The following UVRAG variants were observed in gnomAD, a reference collection of about 807,000 sequenced individuals.
UVRAG encodes UV radiation resistance-associated gene protein.
A neutral mutation model predicts 78.0 loss-of-function variants in UVRAG; 19 were observed. The ratio of observed to expected loss-of-function variants is 0.24; its 90% confidence interval spans 0.17 to 0.36. The LOEUF (loss-of-function observed/expected upper bound fraction) is 0.36. UVRAG is among the 10% of genes least tolerant of loss of function. The pLI, the probability that UVRAG is intolerant of heterozygous loss-of-function variation, is 1.00. For synonymous variants in UVRAG, 323 were observed against 324.6 expected (o/e 1.00, Z 0.05); for missense variants, 740 against 853.8 (o/e 0.87, Z 1.66).
chr11:76,141,050 G>T lies in UVRAG; in HGVS notation c.1737G>T (p.Val579=), dbSNP rs1952713142. 2 of 1,614,134 alleles carry T rather than the reference G, an allele frequency of 1.2e-6. No individual in the cohort carries two copies. The highest frequency in any genetic ancestry group is 4.5e-5 in the East Asian group (2 of 44,882). The change falls in exon 15 of 15, where the codon GTG becomes GTT. Residue 579 remains valine, a synonymous_variant. Transcript: ENST00000356136. ...GCTTAAACGGAGGCCACGCGAATGT[G>T]CACCCTAGCCAAGAACAAGGAGAAG... ...VGSLNGGHAN[V]HPSQEQGEAL...
At chr11:75,954,217 C>T (rs534124480) in intron 6 of UVRAG, among the ~76,000 whole-genome samples, 4 of 152,066 alleles carry the variant, frequency 2.6e-5, no homozygotes, top group Admixed American at 2.0e-4. Flanking sequence ...AAATGTGACT[C>T]TGTCTGTGTG....
chr11:76,033,467 C>A (rs1026703660), intron 12 of UVRAG, among the ~76,000 whole-genome samples: 1 of 151,640 alleles, frequency 6.6e-6, no homozygotes, highest in African/African-American at 2.4e-5. Context: ...TTGAAAAATC[C>A]TTGGCTTTGA....
chr11:75,959,372 T>G (rs1255571587), intron 6 of UVRAG, among the ~76,000 whole-genome samples: 1 of 152,230 alleles, frequency 6.6e-6, no homozygotes, highest in Non-Finnish European at 1.5e-5. Flanking sequence ...TTGCAGCTTC[T>G]CCATTAGCAC....
intron 2 of UVRAG, 40 bp downstream of exon 2, chr11:75,852,040 A>T: frequency 1.4e-6 from 2 of 1,414,374 alleles, no homozygotes; most frequent in East Asian, 4.7e-5. Flanking sequence ...AGATTGTTAT[A>T]TTTTTATTTT....
At chr11:75,970,799 T>A (rs1212564986) in intron 7 of UVRAG, among the ~76,000 whole-genome samples, 2 of 151,874 alleles carry the variant, frequency 1.3e-5, no homozygotes, top group African/African-American at 4.8e-5. Context: ...CCATCCCCAA[T>A]TTCTTCTGTT....
chr11:76,107,736 C>T (rs560415424), intron 13 of UVRAG, among the ~76,000 whole-genome samples: 22 of 151,374 alleles, frequency 1.5e-4, no homozygotes, highest in African/African-American at 5.3e-4. Flanking sequence ...TTTTCCACGT[C>T]TTGAAAGAAT....
chr11:76,100,105 G>A (rs1300244393), intron 13 of UVRAG, among the ~76,000 whole-genome samples: 4 of 152,030 alleles, frequency 2.6e-5, no homozygotes, highest in Non-Finnish European at 4.4e-5. Context: ...TGTCCAGTCT[G>A]CTTTCCATAA....
intron 6 of UVRAG, among the ~76,000 whole-genome samples, chr11:75,926,567 A>G (rs1948109692): frequency 6.6e-6 from 1 of 152,170 alleles, no homozygotes; most frequent in African/African-American, 2.4e-5. Flanking sequence ...CAGCAGCATT[A>G]AAAAAGGAGC....
Position 75,947,205 on chromosome 11 carries a change from C to T in UVRAG, c.594-14239C>T, listed in dbSNP as rs374214933. 6.2e-4 allele frequency among the ~76,000 whole-genome samples: 94 copies of T among 152,238 alleles called. 3 individuals carry two copies. The South Asian group carries it at 0.018, about 29-fold the overall frequency. ...GGGCGGGGGATGAAGGGATACAGTT[C>T]AGCCTATAGCACCCAGCTAATCTCC... On this transcript the variant is annotated intron_variant, in intron 6 of 14. Coordinates refer to ENST00000356136, the MANE Select transcript of UVRAG (RefSeq NM_003369.4).
At chr11:76,098,872 A>C (rs1326106660) in intron 13 of UVRAG, among the ~76,000 whole-genome samples, 1 of 152,180 alleles carries the variant, frequency 6.6e-6, no homozygotes, top group African/African-American at 2.4e-5. Flanking sequence ...CACCTTATGC[A>C]AACAAAATTG....
At chr11:75,918,904 T>C (rs1433636123) in intron 6 of UVRAG, among the ~76,000 whole-genome samples, 1 of 152,190 alleles carries the variant, frequency 6.6e-6, no homozygotes, top group Admixed American at 6.5e-5. Context: ...AGCCTTCAGC[T>C]GTTGCTTTCT....
chr11:76,083,409 T>C (rs866930258), intron 13 of UVRAG, among the ~76,000 whole-genome samples: 145 of 152,310 alleles, frequency 9.5e-4, no homozygotes, highest in African/African-American at 3.3e-3. Context: ...AACAAAAGAA[T>C]AGACTGAGTT....
chr11:75,972,607 T>C lies in UVRAG; in HGVS notation c.700-10780T>C, dbSNP rs571206234. 1.0e-3 allele frequency among the ~76,000 whole-genome samples: 156 copies of C among 152,380 alleles called. 2 individuals are homozygous for C. The highest frequency in any genetic ancestry group is 3.7e-3 in the African/African-American group (154 of 41,594). Reference sequence around the variant, plus strand: ...TTTCTAGGCTCTCTGTTCCATTTGATTGATCTGTTTGTCTGTTCTTTTACC... The same window carrying C: ...TTTCTAGGCTCTCTGTTCCATTTGACTGATCTGTTTGTCTGTTCTTTTACC... On this transcript the variant is annotated intron_variant, in intron 7 of 14. Transcript: ENST00000356136.
chr11:75,896,285 A>G (rs973301642), intron 5 of UVRAG, among the ~76,000 whole-genome samples: 47 of 152,120 alleles, frequency 3.1e-4, no homozygotes, highest in African/African-American at 1.1e-3. Flanking sequence ...TATGATGGTG[A>G]TTAGGGGAGG....
chr11:76,056,591 C>G (rs1950989314), intron 12 of UVRAG, among the ~76,000 whole-genome samples: 2 of 152,114 alleles, frequency 1.3e-5, no homozygotes, highest in South Asian at 4.1e-4. Context: ...CTCTGCAGAT[C>G]CCTGTAAAGT....
intron 14 of UVRAG, among the ~76,000 whole-genome samples, chr11:76,123,285 T>G (rs757609814): frequency 2.0e-5 from 3 of 152,242 alleles, no homozygotes; most frequent in Admixed American, 2.0e-4. Context: ...CCTGGTTGTT[T>G]ATTCTACCTC....
rs1952724439 is a variant in UVRAG, at chr11:76,141,572, ATT to A, written c.*160_*161del. 1 of 797,462 alleles carries A rather than the reference ATT, an allele frequency of 1.3e-6. No individual in the cohort carries two copies. The highest frequency in any genetic ancestry group is 1.9e-6 in the Non-Finnish European group (1 of 523,586). 49.4% of individuals were successfully genotyped at this position (797,462 alleles called of 1,614,324 possible). A position where few individuals can be genotyped will look rare whatever the true frequency, so the allele number is the denominator to read the frequency against. ...GGGAATGAAGGAGGGACTCAGGATCATTGTTATCAGTGGGCCAAAGTTAGATT... is the reference window on the plus strand; with the variant it reads ...GGGAATGAAGGAGGGACTCAGGATCAGTTATCAGTGGGCCAAAGTTAGATT... On this transcript the variant is annotated 3_prime_UTR_variant, in exon 15 of 15. Transcript: ENST00000356136.
chr11:76,115,613 G>C (rs1372454315), intron 13 of UVRAG, among the ~76,000 whole-genome samples: 1 of 152,148 alleles, frequency 6.6e-6, no homozygotes, highest in East Asian at 1.9e-4. Flanking sequence ...AGATACAGGG[G>C]TCTTTGAAAT....
chr11:75,877,486 C>T (rs1471086608), intron 3 of UVRAG, among the ~76,000 whole-genome samples: 9 of 148,796 alleles, frequency 6.0e-5, no homozygotes, highest in African/African-American at 1.2e-4. Context: ...CCCTCCCGGA[C>T]GGGGCGGCTG....
Sources: allele counts gnomAD v4.1 joint callset (sites outside exome capture counted in the v4.1 genomes callset), GRCh38; gene constraint gnomAD v4.1.1; transcripts MANE v1.5; gene names NCBI Gene and HGNC (gene_info 2026-07-23, HGNC 2026-07-21).